Variants in FAM151B observed in about 807,000 individuals in gnomAD.
FAM151B encodes family with sequence similarity 151 member B.
FAM151B carries 24 observed loss-of-function variants against 31.2 expected under a neutral mutation model. The ratio of observed to expected loss-of-function variants is 0.77; its 90% CI spans 0.56 to 1.08. The LOEUF is 1.08. FAM151B is among the 50% of genes least tolerant of loss of function. FAM151B has a pLI of 0.00. For missense variants in FAM151B, 293 were observed against 328.6 expected (o/e 0.89, Z 0.84); for synonymous variants, 105 against 111.4 (o/e 0.94, Z 0.36).
At chr5:80,502,476 A>C (rs769327314) in intron 2 of FAM151B, among the ~76,000 whole-genome samples, 2 of 152,220 alleles carry the variant, frequency 1.3e-5, no homozygotes, top group Non-Finnish European at 2.9e-5. Context: ...ATACCAATTT[A>C]TAATTAATAA....
At chr5:80,520,258 C>T (rs1157149037) in intron 4 of FAM151B, among the ~76,000 whole-genome samples, 1 of 152,150 alleles carries the variant, frequency 6.6e-6, no homozygotes, top group Non-Finnish European at 1.5e-5. Context: ...GCTAAACTAA[C>T]ATATTCACTT....
At chr5:80,489,780 C>T in intron 1 of FAM151B, among the ~76,000 whole-genome samples, 1 of 152,126 alleles carries the variant, frequency 6.6e-6, no homozygotes, top group Non-Finnish European at 1.5e-5. Context: ...AAATAATTAG[C>T]CGGGCGTGGT....
intron 1 of FAM151B, chr5:80,500,870 A>C: frequency 1.1e-6 from 1 of 914,684 alleles, no homozygotes; most frequent in Non-Finnish European, 1.8e-6. Context: ...TCTCTTGGTA[A>C]ATATGGCATC....
intron 1 of FAM151B, among the ~76,000 whole-genome samples, chr5:80,490,056 T>C (rs1291767210): frequency 3.8e-5 from 2 of 51,966 alleles, no homozygotes; most frequent in Non-Finnish European, 9.8e-5. Flanking sequence ...ACACACATTC[T>C]CAACATAAAA....
intron 2 of FAM151B, among the ~76,000 whole-genome samples, 185 bp downstream of exon 2, chr5:80,502,102 A>G (rs536219059): frequency 6.6e-6 from 1 of 152,026 alleles, no homozygotes; most frequent in Admixed American, 6.5e-5. Flanking sequence ...TTAGAGACAT[A>G]GTCTCTCTCT....
intron 5 of FAM151B, among the ~76,000 whole-genome samples, chr5:80,540,904 T>C (rs1033242822): frequency 1.3e-5 from 2 of 152,244 alleles, no homozygotes; most frequent in African/African-American, 2.4e-5. Context: ...TTATTTCTTA[T>C]CATTAGTAGA....
chr5:80,519,541 C>T (rs1465586288), intron 3 of FAM151B, 152 bp from the exon 4 acceptor site: 1 of 643,242 alleles, frequency 1.6e-6, no homozygotes, highest in East Asian at 2.8e-5. Context: ...TTAGCTTTTC[C>T]CTCTGGTGCT....
chr5:80,516,341 A>G (rs1377414664), intron 3 of FAM151B, among the ~76,000 whole-genome samples: 1 of 152,140 alleles, frequency 6.6e-6, no homozygotes, highest in African/African-American at 2.4e-5. Flanking sequence ...AAAGTATTAT[A>G]TTTTTAAATT....
chr5:80,503,035 A>G (rs1743808243), intron 2 of FAM151B, among the ~76,000 whole-genome samples: 1 of 152,326 alleles, frequency 6.6e-6, no homozygotes, highest in East Asian at 1.9e-4. Flanking sequence ...AAATTTTTCT[A>G]GAATTAGAGA....
At chr5:80,520,224 C>T (rs1178044755) in intron 4 of FAM151B, among the ~76,000 whole-genome samples, 1 of 152,144 alleles carries the variant, frequency 6.6e-6, no homozygotes, top group Admixed American at 6.5e-5. Context: ...GAACACGTCC[C>T]TTCTTTTTAT....
intron 2 of FAM151B, among the ~76,000 whole-genome samples, chr5:80,508,769 A>C (rs1744077487): frequency 6.6e-6 from 1 of 152,098 alleles, no homozygotes; most frequent in Non-Finnish European, 1.5e-5. Context: ...ACCTCTCTCT[A>C]CTTTGGTATG....
At chr5:80,489,347 T>C (rs1175704708) in intron 1 of FAM151B, among the ~76,000 whole-genome samples, 1 of 152,202 alleles carries the variant, frequency 6.6e-6, no homozygotes, top group East Asian at 1.9e-4. Context: ...TCTCTCTCTT[T>C]TTTAAGATCT....
chr5:80,517,683 A>G (rs922029802), intron 3 of FAM151B, among the ~76,000 whole-genome samples: 1 of 152,226 alleles, frequency 6.6e-6, no homozygotes, highest in Non-Finnish European at 1.5e-5. Flanking sequence ...GTTCTTTGTC[A>G]TAGTTCCTTA....
intron 1 of FAM151B, among the ~76,000 whole-genome samples, chr5:80,490,098 A>T (rs1743268027): frequency 6.6e-6 from 1 of 151,786 alleles, no homozygotes; most frequent in Admixed American, 6.6e-5. Flanking sequence ...ATGTATAGTG[A>T]AAAGTTCCGT....
At position 80,533,941 on chromosome 5, in the gene FAM151B, G is replaced by A. The variant is rs775450694; in HGVS notation, c.672-7732G>A. ...AAAAGGAGACATTACAATTGATACT[G>A]TGGAAATCCAGAGAATTATTAGTGG... On this transcript the variant is annotated intron_variant, in intron 5 of 5. Transcript: ENST00000282226. Among the ~76,000 whole-genome samples, 4 of 152,036 alleles carry A rather than the reference G, an allele frequency of 2.6e-5. No individual in the cohort carries two copies. The East Asian group carries it at 5.8e-4, about 22-fold the overall frequency.
Position 80,519,675 on chromosome 5 carries a change from A to G in FAM151B, c.318-18A>G, listed in dbSNP as rs1410966698. 1 of 1,607,836 alleles carries G rather than the reference A, an allele frequency of 6.2e-7. No homozygotes were observed. The highest frequency in any genetic ancestry group is 8.5e-7 in the Non-Finnish European group (1 of 1,176,004). On this transcript the variant is annotated intron_variant, in intron 3 of 5. Coordinates refer to ENST00000282226, the MANE Select transcript of FAM151B (RefSeq NM_205548.3). ...TACCTAAAGAATCTATCTCATTGAC[A>G]ACAAATTATGTTTTTAGTCTGGCAG...
chr5:80,488,689 G>A (rs750450458), intron 1 of FAM151B, among the ~76,000 whole-genome samples: 1 of 152,246 alleles, frequency 6.6e-6, no homozygotes, highest in Admixed American at 6.5e-5. Context: ...GTAAACTTAA[G>A]TAGTGGCATG....
chr5:80,498,907 CT>C, intron 1 of FAM151B: 1 of 321,214 alleles, frequency 3.1e-6, no homozygotes, highest in Non-Finnish European at 6.1e-6. Context: ...TGGCCTTTAC[CT>C]TTTCTATTGT....
intron 2 of FAM151B, among the ~76,000 whole-genome samples, chr5:80,502,308 C>T (rs992233849): frequency 2.6e-5 from 4 of 151,918 alleles, no homozygotes; most frequent in African/African-American, 4.8e-5. Flanking sequence ...ATGTCTGATT[C>T]GAAACTCTCA....
Sources: gnomAD v4.1 joint callset for allele counts (sites outside exome capture counted in the v4.1 genomes callset) on GRCh38, gnomAD v4.1.1 for gene constraint, MANE v1.5 for transcripts, NCBI Gene and HGNC (gene_info 2026-07-23, HGNC 2026-07-21) for gene names.